Variants in SLC18A1 observed in about 807,000 individuals in gnomAD.
SLC18A1 encodes the protein chromaffin granule amine transporter.
In SLC18A1, 69 loss-of-function variants were observed where a neutral mutation model predicts 53.7. The observed-to-expected ratio is 1.28, with a 90% confidence interval of 1.06 to 1.57. SLC18A1 has a LOEUF of 1.57. Ranked by LOEUF, SLC18A1 falls within the 40% of genes most tolerant of loss-of-function variation. The pLI, the probability that SLC18A1 is intolerant of heterozygous loss-of-function variation, is 0.00. For synonymous variants in SLC18A1, 320 were observed against 248.1 expected (o/e 1.29, Z -2.72); for missense variants, 932 against 668.1 (o/e 1.40, Z -4.35).
chr8:20,168,842 C>A (rs1251877053), intron 8 of SLC18A1, among the ~76,000 whole-genome samples: 1 of 152,154 alleles, frequency 6.6e-6, no homozygotes, highest in Non-Finnish European at 1.5e-5. Flanking sequence ...CTATTCCTTA[C>A]AGCAAAGTGC....
chr8:20,173,202 C>T, intron 5 of SLC18A1, 74 bp from the exon 6 acceptor site: 3 of 1,031,508 alleles, frequency 2.9e-6, no homozygotes, highest in African/African-American at 1.6e-5. Flanking sequence ...TTGGTCCCAC[C>T]CTGTTATCTC....
intron 10 of SLC18A1, among the ~76,000 whole-genome samples, chr8:20,160,451 T>C (rs1336064501): frequency 1.3e-5 from 2 of 151,862 alleles, no homozygotes; most frequent in South Asian, 2.1e-4. Flanking sequence ...TATTTATAGA[T>C]ACATGACCCC....
intron 15 of SLC18A1, among the ~76,000 whole-genome samples, chr8:20,146,327 C>G (rs1174099484): frequency 6.6e-6 from 1 of 152,116 alleles, no homozygotes; most frequent in Non-Finnish European, 1.5e-5. Flanking sequence ...TCTGCATGTA[C>G]ATGCACCAGC....
At chr8:20,166,981 A>T (rs2071983987) in intron 8 of SLC18A1, among the ~76,000 whole-genome samples, 1 of 152,218 alleles carries the variant, frequency 6.6e-6, no homozygotes, top group African/African-American at 2.4e-5. Context: ...CCAACCCTCA[A>T]CAGTACCTTG....
At chr8:20,151,875 T>A (rs541308297) in intron 10 of SLC18A1, among the ~76,000 whole-genome samples, 2 of 152,204 alleles carry the variant, frequency 1.3e-5, no homozygotes, top group Non-Finnish European at 2.9e-5. Context: ...AATACAGCGG[T>A]GAATAAGACA....
chr8:20,170,225 T>A (rs1336000052), intron 8 of SLC18A1, among the ~76,000 whole-genome samples: 4 of 149,122 alleles, frequency 2.7e-5, no homozygotes, highest in Non-Finnish European at 4.5e-5. Flanking sequence ...CTGGGGGAAT[T>A]GGCACTCTAA....
At chr8:20,172,650 T>C (rs1044719454) in intron 6 of SLC18A1, among the ~76,000 whole-genome samples, 1 of 152,190 alleles carries the variant, frequency 6.6e-6, no homozygotes, top group Admixed American at 6.5e-5. Flanking sequence ...TATTTTCATC[T>C]CTATAATGGG....
At chr8:20,181,166 A>C in intron 1 of SLC18A1, 79 bp from the exon 2 acceptor site, 1 of 467,526 alleles carries the variant, frequency 2.1e-6, no homozygotes, top group South Asian at 3.1e-5. Flanking sequence ...ATCACTGTTC[A>C]CTTCTTATAA....
chr8:20,147,658 C>T lies in SLC18A1; in HGVS notation c.1275G>A (p.Val425=), dbSNP rs768928071. ...CAGCGATGGCGTAGACACTCCCATA[C>T]ACCGAGGTGTGGCGTAGATCCACCA... ...GHLVDLRHTS[V]YGSVYAIADV... is the part of the protein sequence containing the mutation. Residue 425 remains valine (V), a synonymous_variant, in exon 14 of 16, where the codon GTG becomes GTA. Coordinates refer to ENST00000276373, the MANE Select transcript of SLC18A1 (RefSeq NM_003053.4). The T allele has an allele frequency of 1.2e-6, 2 of 1,614,084 alleles. No individual in the cohort carries two copies. Among genetic ancestry groups the T allele is most frequent in the South Asian group, 1.1e-5 (1 of 91,048 alleles).
chr8:20,180,344 C>G (rs1263644590), intron 2 of SLC18A1, among the ~76,000 whole-genome samples: 1 of 152,032 alleles, frequency 6.6e-6, no homozygotes, highest in African/African-American at 2.4e-5. Flanking sequence ...AAGGGTGTAA[C>G]TTAATGTAAT....
At chr8:20,172,541 C>A (rs975312616) in intron 6 of SLC18A1, among the ~76,000 whole-genome samples, 10 of 152,124 alleles carry the variant, frequency 6.6e-5, no homozygotes, top group African/African-American at 2.4e-4. Context: ...GTAGTTTTAT[C>A]GTTTGGGGCT....
intron 10 of SLC18A1, among the ~76,000 whole-genome samples, chr8:20,154,852 C>T (rs2088340): frequency 0.31 from 46,474 of 151,962 alleles, 8,514 homozygotes; most frequent in African/African-American, 0.5. Flanking sequence ...CACGGCTGAG[C>T]GCTGCCATCA....
At chr8:20,157,099 C>T (rs1050099777) in intron 10 of SLC18A1, among the ~76,000 whole-genome samples, 4 of 152,010 alleles carry the variant, frequency 2.6e-5, no homozygotes, top group African/African-American at 9.7e-5. Context: ...GGTTACACAC[C>T]CTGGAAAGGA....
At position 20,159,928 on chromosome 8, in the gene SLC18A1, G is replaced by A. The variant is rs114292595; in HGVS notation, c.1015+4941C>T. ...ACACCCCCAGCGTGGTAGCACAGAT[G>A]GCTCTGGTATAAGGAACTGTTTGAG... On this transcript the variant is annotated intron_variant, in intron 10 of 15. Coordinates refer to ENST00000276373, the MANE Select transcript of SLC18A1 (RefSeq NM_003053.4). Among the ~76,000 whole-genome samples the A allele has an allele frequency of 6.0e-3, 907 of 152,146 alleles. 12 individuals are homozygous for A. Among genetic ancestry groups the A allele is most frequent in the African/African-American group, 0.021 (868 of 41,498 alleles).
chr8:20,146,501 G>T (rs1030309096), intron 15 of SLC18A1, among the ~76,000 whole-genome samples: 1 of 152,142 alleles, frequency 6.6e-6, no homozygotes, highest in Admixed American at 6.6e-5. Context: ...AGCAGCCTCT[G>T]TCGGTATCCC....
chr8:20,168,328 C>G (rs1235613453), intron 8 of SLC18A1, among the ~76,000 whole-genome samples: 1 of 151,912 alleles, frequency 6.6e-6, no homozygotes, highest in African/African-American at 2.4e-5. Flanking sequence ...GATCACACCT[C>G]TACACTCCAG....
In SLC18A1 at chr8:20,171,312, C is replaced by G. The variant is rs1169399026; in HGVS notation, c.814+93G>C. On this transcript the variant is annotated intron_variant, in intron 7 of 15. Coordinates refer to ENST00000276373, the MANE Select transcript of SLC18A1 (RefSeq NM_003053.4). ...CTTGATCCATCAAAACATGTCCAAA[C>G]CGCCCATTCTTAGTGAAGACTGACA... The G allele has an allele frequency of 2.2e-6, 3 of 1,339,904 alleles. No individual in the cohort carries two copies. In the Middle Eastern group the frequency reaches 5.9e-4, roughly 264 times the overall value. The allele number at this position is 1,339,904 out of a possible 1,614,324, so 83.0% of individuals were successfully genotyped here.
At chr8:20,168,270 G>T (rs977777446) in intron 8 of SLC18A1, among the ~76,000 whole-genome samples, 4 of 151,700 alleles carry the variant, frequency 2.6e-5, no homozygotes, top group African/African-American at 9.7e-5. Context: ...AAGAAGCTGA[G>T]GCAAGAGGGT....
At chr8:20,149,532 G>A in intron 12 of SLC18A1, 144 bp downstream of exon 12, 1 of 663,802 alleles carries the variant, frequency 1.5e-6, no homozygotes. Context: ...AGCCATCTCT[G>A]CTCATCTTAA....
Sources: allele counts gnomAD v4.1 joint callset (sites outside exome capture counted in the v4.1 genomes callset), GRCh38; gene constraint gnomAD v4.1.1; transcripts MANE v1.5; gene names NCBI Gene and HGNC (gene_info 2026-07-23, HGNC 2026-07-21).